Variants in USP34 observed in about 807,000 individuals in gnomAD.
USP34 encodes the protein ubiquitin carboxyl-terminal hydrolase 34.
In USP34, 70 loss-of-function variants were observed where a neutral mutation model predicts 460.3. That is an observed-to-expected ratio of 0.15 (90% CI 0.13 to 0.19). The LOEUF (loss-of-function observed/expected upper bound fraction) is 0.19. Among genes scored for constraint, USP34 ranks in the 10% least tolerant of loss-of-function variants. The pLI is 1.00. For synonymous variants in USP34, 1,647 were observed against 1,405.3 expected (o/e 1.17, Z -3.85); for missense variants, 3,985 against 4,236.2 (o/e 0.94, Z 1.65).
At chr2:61,261,870 C>T (rs903426770) in intron 43 of USP34, among the ~76,000 whole-genome samples, 13 of 151,466 alleles carry the variant, frequency 8.6e-5, no homozygotes, top group East Asian at 1.9e-4. Context: ...TTTGGGAGGC[C>T]GAGGCGGGGG....
intron 1 of USP34, among the ~76,000 whole-genome samples, chr2:61,456,102 T>A (rs1462362016): frequency 6.6e-6 from 1 of 152,148 alleles, no homozygotes; most frequent in Non-Finnish European, 1.5e-5. Context: ...TTTATGTTTT[T>A]AAAAAAACAA....
chr2:61,393,854 C>T (rs13023037), intron 5 of USP34, among the ~76,000 whole-genome samples: 54,138 of 151,880 alleles, frequency 0.36, 9,792 homozygotes, highest in Admixed American at 0.4. Flanking sequence ...TCTTTCTTTC[C>T]GGGCCGGGCA....
chr2:61,333,921 T>C lies in USP34; in HGVS notation c.2795A>G (p.Gln932Arg). Reference sequence around the variant, plus strand: ...TGTATCGTAACTGCTCCCAAACTGCTGAAAAGTACCAAATAGTTTTGGAAG... The same window carrying C: ...TGTATCGTAACTGCTCCCAAACTGCCGAAAAGTACCAAATAGTTTTGGAAG... ...RLLPKLFGTF[Q>R]QFGSSYDTHW... The change falls in exon 19 of 80, where the codon CAG (glutamine) becomes CGG (arginine). Residue 932 changes from glutamine to arginine, a missense_variant. Physicochemically the swap from Gln to Arg is conservative, Grantham distance 43. This residue lies in a region of USP34 where 1,114 missense variants were observed against 1,122.5 expected (regional missense o/e 0.99). Transcript: ENST00000398571. 6.3e-7 allele frequency: 1 copy of C among 1,595,840 alleles called. No homozygotes were observed. The highest frequency in any genetic ancestry group is 8.5e-7 in the Non-Finnish European group (1 of 1,170,942).
intron 1 of USP34, among the ~76,000 whole-genome samples, chr2:61,434,623 C>T (rs894177459): frequency 2.6e-5 from 4 of 152,188 alleles, no homozygotes; most frequent in Admixed American, 6.5e-5. Context: ...TGCTGAGAAA[C>T]TCTCAAATGT....
chr2:61,417,608 ATGTTTT>A (rs778174302), intron 2 of USP34, among the ~76,000 whole-genome samples: 2 of 151,326 alleles, frequency 1.3e-5, no homozygotes, highest in Non-Finnish European at 2.9e-5. Flanking sequence ...GAATGGTGGC[ATGTTTT>A]TGTTTTTAAC....
intron 16 of USP34, among the ~76,000 whole-genome samples, 198 bp downstream of exon 16, chr2:61,343,617 G>A (rs1011202287): frequency 3.3e-5 from 5 of 151,820 alleles, no homozygotes. Context: ...TAGAACTGCA[G>A]GACTTATTTA....
In USP34 at chr2:61,348,852, A is replaced by G. The variant is rs1691851509; in HGVS notation, c.1578T>C (p.Asn526=). 1 of 1,613,614 alleles carries G rather than the reference A, an allele frequency of 6.2e-7. No individual in the cohort carries two copies. Among genetic ancestry groups the G allele is most frequent in the Non-Finnish European group, 8.5e-7 (1 of 1,179,770 alleles). ...TACCTCCACTTTGATGTGTATCGCT[A>G]TTATCACTGCTTTGAGGACTAGCTG... ...SPAASPQSSD[N]SDTHQSGGSD... is the part of the protein sequence containing the mutation. Residue 526 remains asparagine, a synonymous_variant, in exon 14 of 80, where the codon AAT becomes AAC. Coordinates refer to ENST00000398571, the MANE Select transcript of USP34 (RefSeq NM_014709.4).
chr2:61,435,866 T>A (rs1006475695), intron 1 of USP34, among the ~76,000 whole-genome samples: 2 of 151,744 alleles, frequency 1.3e-5, no homozygotes, highest in Non-Finnish European at 1.5e-5. Flanking sequence ...TCATCTCTAC[T>A]AAAATACAAA....
intron 10 of USP34, among the ~76,000 whole-genome samples, chr2:61,357,579 GAT>G (rs1692144739): frequency 1.3e-5 from 2 of 152,130 alleles, no homozygotes; most frequent in African/African-American, 2.4e-5. Flanking sequence ...AATGATTAGA[GAT>G]AAATAAAATA....
chr2:61,444,036 G>A (rs1256869811), intron 1 of USP34, among the ~76,000 whole-genome samples: 13 of 152,106 alleles, frequency 8.5e-5, no homozygotes, highest in East Asian at 3.9e-4. Context: ...TCTGGGAGGC[G>A]AAAGCAGGAC....
At chr2:61,213,979 G>GC in intron 68 of USP34, 81 bp downstream of exon 68, 1 of 1,522,564 alleles carries the variant, frequency 6.6e-7, no homozygotes. Context: ...TCTATATTCT[G>GC]CCACCACTTC....
chr2:61,450,008 G>T (rs535214231), intron 1 of USP34, among the ~76,000 whole-genome samples: 1 of 152,244 alleles, frequency 6.6e-6, no homozygotes, highest in Admixed American at 6.5e-5. Flanking sequence ...AGAGCCTGCA[G>T]TGAACAAAGT....
intron 20 of USP34, among the ~76,000 whole-genome samples, chr2:61,329,628 G>A (rs1005235545): frequency 6.6e-6 from 1 of 152,154 alleles, no homozygotes; most frequent in African/African-American, 2.4e-5. Context: ...CTAAGCTGAA[G>A]AGATTGGTAT....
intron 1 of USP34, among the ~76,000 whole-genome samples, chr2:61,454,674 C>A (rs561197264): frequency 6.6e-6 from 1 of 151,780 alleles, no homozygotes; most frequent in Admixed American, 6.6e-5. Flanking sequence ...CTCAGCCTCC[C>A]GAGTAGCCAA....
At chr2:61,448,115 A>G (rs759683575) in intron 1 of USP34, among the ~76,000 whole-genome samples, 2 of 152,248 alleles carry the variant, frequency 1.3e-5, no homozygotes, top group Non-Finnish European at 2.9e-5. Context: ...CTTTCTTCAT[A>G]CAAAGTGGCC....
At chr2:61,439,452 T>C (rs1404177547) in intron 1 of USP34, among the ~76,000 whole-genome samples, 1 of 152,044 alleles carries the variant, frequency 6.6e-6, no homozygotes, top group Admixed American at 6.6e-5. Flanking sequence ...CCATCCTGTC[T>C]CCCCTGCTGT....
At chr2:61,394,743 A>G (rs1056106756) in intron 5 of USP34, 110 bp downstream of exon 5, 7 of 824,828 alleles carry the variant, frequency 8.5e-6, no homozygotes, top group Middle Eastern at 3.9e-4. Context: ...AATAAAAAAA[A>G]ATTACACATG....
intron 79 of USP34, 38 bp from the exon 80 acceptor site, chr2:61,188,747 A>G: frequency 6.3e-7 from 1 of 1,597,676 alleles, no homozygotes; most frequent in South Asian, 1.1e-5. Context: ...CTTCTCTGAA[A>G]GTCATTAAGA....
chr2:61,266,071 C>A lies in USP34; in HGVS notation c.5530G>T (p.Ala1844Ser). The change falls in exon 42 of 80, where the codon GCT becomes TCT. Residue 1844 changes from alanine (A) to serine (S), a missense_variant. By Grantham distance (99) the Ala-to-Ser change is moderately conservative. Coordinates refer to ENST00000398571, the MANE Select transcript of USP34 (RefSeq NM_014709.4). ...KCKSHSSRAA[A>S]YDLLVEMVKG... ...ACCATCTCTACTAACAAATCGTAAG[C>A]GGCAGCTCTTGAAGAATGTGATTTG... 6.2e-7 allele frequency: 1 copy of A among 1,613,908 alleles called. No individual in the cohort carries two copies. The highest frequency in any genetic ancestry group is 8.5e-7 in the Non-Finnish European group (1 of 1,179,858).
Sources: allele counts gnomAD v4.1 joint callset (sites outside exome capture counted in the v4.1 genomes callset), GRCh38; gene constraint gnomAD v4.1.1; regional missense constraint gnomAD v4.1.1; transcripts MANE v1.5; gene names NCBI Gene and HGNC (gene_info 2026-07-23, HGNC 2026-07-21).